MAGI2: variants seen among roughly 807,000 people sequenced by gnomAD.
MAGI2 encodes membrane-associated guanylate kinase, WW and PDZ domain-containing protein 2.
MAGI2 carries 35 observed loss-of-function variants against 133.3 expected under a neutral mutation model. The observed-to-expected ratio is 0.26, with a 90% CI of 0.20 to 0.35. The LOEUF (loss-of-function observed/expected upper bound fraction) is 0.35, where lower values mean the gene tolerates loss of function less well. Ranked by LOEUF, MAGI2 falls within the 10% of genes least tolerant of loss-of-function variation. The pLI, the probability that MAGI2 is intolerant of heterozygous loss-of-function variation, is 1.00. For missense variants in MAGI2, 1,636 were observed against 1,863.4 expected, an observed-to-expected ratio of 0.88 and a Z score of 2.25; for synonymous variants, 729 against 710.6, an observed-to-expected ratio of 1.03 and a Z score of -0.41.
intron 2 of MAGI2, among the ~76,000 whole-genome samples, chr7:78,666,628 C>T (rs922221066): frequency 6.6e-6 from 1 of 152,138 alleles, no homozygotes; most frequent in African/African-American, 2.4e-5. Context: ...TGTGAAGAAG[C>T]TTGACTTGAT....
intron 9 of MAGI2, among the ~76,000 whole-genome samples, chr7:78,300,429 A>G (rs943003622): frequency 5.3e-5 from 8 of 152,226 alleles, no homozygotes; most frequent in African/African-American, 1.9e-4. Context: ...GCTGATTGAA[A>G]GAAGTCTGAA....
intron 3 of MAGI2, among the ~76,000 whole-genome samples, chr7:78,588,946 C>G (rs997869888): frequency 6.6e-5 from 10 of 152,042 alleles, no homozygotes; most frequent in Admixed American, 2.0e-4. Context: ...AATGACTTGC[C>G]CACTGTCAGG....
chr7:79,247,239 C>CA (rs1554418893), intron 1 of MAGI2, among the ~76,000 whole-genome samples: 3 of 151,866 alleles, frequency 2.0e-5, no homozygotes, highest in Non-Finnish European at 4.4e-5. Context: ...AAATACACAC[C>CA]AAAAAACAAT....
chr7:78,776,216 T>C (rs1449449689), intron 2 of MAGI2, among the ~76,000 whole-genome samples: 2 of 152,222 alleles, frequency 1.3e-5, no homozygotes, highest in African/African-American at 4.8e-5. Flanking sequence ...AGAAGCAAAA[T>C]TTCTATGTAT....
At chr7:78,682,349 T>A (rs750043804) in intron 2 of MAGI2, among the ~76,000 whole-genome samples, 1 of 152,108 alleles carries the variant, frequency 6.6e-6, no homozygotes, top group Non-Finnish European at 1.5e-5. Flanking sequence ...CATTAGGTAT[T>A]TCTCCTAATG....
intron 1 of MAGI2, among the ~76,000 whole-genome samples, chr7:79,217,390 A>G (rs1461726619): frequency 6.6e-6 from 1 of 152,056 alleles, no homozygotes; most frequent in Non-Finnish European, 1.5e-5. Context: ...AGAAAGCTAT[A>G]ATAAGGACAA....
chr7:78,986,510 G>A (rs1279120015), intron 2 of MAGI2, among the ~76,000 whole-genome samples: 1 of 151,524 alleles, frequency 6.6e-6, no homozygotes, highest in Non-Finnish European at 1.5e-5. Flanking sequence ...CAATCTAGTA[G>A]CTTAGAGCTT....
At chr7:78,636,284 G>A (rs1056805564) in intron 2 of MAGI2, among the ~76,000 whole-genome samples, 1 of 149,032 alleles carries the variant, frequency 6.7e-6, no homozygotes, top group Non-Finnish European at 1.5e-5. Flanking sequence ...AAGATAACAT[G>A]TTGTCAATTT....
chr7:78,075,578 G>T (rs370708228), intron 21 of MAGI2, among the ~76,000 whole-genome samples: 17 of 151,724 alleles, frequency 1.1e-4, no homozygotes, highest in African/African-American at 4.1e-4. Flanking sequence ...GGGTTTCACC[G>T]TGTTAGCCAG....
intron 11 of MAGI2, among the ~76,000 whole-genome samples, chr7:78,199,684 A>G (rs1358142679): frequency 6.6e-6 from 1 of 152,248 alleles, no homozygotes; most frequent in East Asian, 1.9e-4. Flanking sequence ...TCAAATCTAC[A>G]GCCTTCTACC....
chr7:78,904,161 G>A (rs959707187), intron 2 of MAGI2: 1 of 152,166 alleles, frequency 6.6e-6, no homozygotes, highest in African/African-American at 2.4e-5. Context: ...AAGTGTAGAA[G>A]AAAGATAAAA....
chr7:78,430,245 T>TG (rs1487122370), intron 6 of MAGI2, among the ~76,000 whole-genome samples: 2 of 136,614 alleles, frequency 1.5e-5, no homozygotes, highest in African/African-American at 2.9e-5. Context: ...AAAGCCTTTT[T>TG]TTTTTTTTTT....
intron 6 of MAGI2, among the ~76,000 whole-genome samples, chr7:78,384,005 T>C (rs755036335): frequency 3.9e-5 from 6 of 152,170 alleles, no homozygotes; most frequent in Admixed American, 2.6e-4. Context: ...ACCCTTGTAA[T>C]ATATTTTGAA....
intron 1 of MAGI2, among the ~76,000 whole-genome samples, chr7:79,191,176 A>T (rs1827622488): frequency 6.6e-6 from 1 of 151,476 alleles, no homozygotes; most frequent in South Asian, 2.1e-4. Flanking sequence ...AGTTTTCCAC[A>T]CAGATCTCAT....
chr7:78,476,785 C>T (rs557298373), intron 6 of MAGI2, among the ~76,000 whole-genome samples: 99 of 151,906 alleles, frequency 6.5e-4, no homozygotes, highest in African/African-American at 2.2e-3. Flanking sequence ...TGGCATCACT[C>T]AATCGATATT....
intron 2 of MAGI2, among the ~76,000 whole-genome samples, chr7:78,875,793 C>A (rs1795372576): frequency 6.6e-6 from 1 of 152,122 alleles, no homozygotes; most frequent in East Asian, 1.9e-4. Flanking sequence ...ACAAAAACTT[C>A]AGCAGCTGGT....
intron 1 of MAGI2, among the ~76,000 whole-genome samples, chr7:79,072,679 G>A (rs1815096301): frequency 6.6e-6 from 1 of 152,144 alleles, no homozygotes; most frequent in African/African-American, 2.4e-5. Flanking sequence ...GAGCAAATAA[G>A]AACAGTATTT....
chr7:78,948,278 T>A (rs968968495), intron 2 of MAGI2, among the ~76,000 whole-genome samples: 5 of 152,128 alleles, frequency 3.3e-5, no homozygotes, highest in African/African-American at 7.2e-5. Flanking sequence ...TATACGATTA[T>A]TTTAATGCAA....
chr7:79,127,172 TG>T, intron 1 of MAGI2, among the ~76,000 whole-genome samples: 1 of 152,358 alleles, frequency 6.6e-6, no homozygotes, highest in South Asian at 2.1e-4. Flanking sequence ...GGTGTATATG[TG>T]CCGCATTTTC....
Sources: gnomAD v4.1 joint callset for allele counts (sites outside exome capture counted in the v4.1 genomes callset) on GRCh38, gnomAD v4.1.1 for gene constraint, MANE v1.5 for transcripts, NCBI Gene and HGNC (gene_info 2026-07-23, HGNC 2026-07-21) for gene names.